Variants in EEF2K observed in about 807,000 individuals in gnomAD.
EEF2K encodes the protein eukaryotic elongation factor 2 kinase, also known as alternative protein EEF2K.
In EEF2K, 70 loss-of-function variants were observed where a neutral mutation model predicts 93.8. The ratio of observed to expected loss-of-function variants is 0.75; its 90% CI spans 0.62 to 0.91. The LOEUF (loss-of-function observed/expected upper bound fraction) is 0.91. Among genes scored for constraint, EEF2K ranks in the 40% least tolerant of loss-of-function variants. The pLI is 0.00. For synonymous variants in EEF2K, 376 were observed against 380.8 expected, an observed-to-expected ratio of 0.99 and a Z score of 0.15; for missense variants, 935 against 972.9, an observed-to-expected ratio of 0.96 and a Z score of 0.52.
At chr16:22,231,714 G>T (rs192204065) in intron 2 of EEF2K, among the ~76,000 whole-genome samples, 1 of 151,812 alleles carries the variant, frequency 6.6e-6, no homozygotes, top group Non-Finnish European at 1.5e-5. Flanking sequence ...ACTTCTGGCC[G>T]GGCACGGTGG....
At chr16:22,257,192 A>C (rs2047410192) in intron 7 of EEF2K, 61 bp from the exon 8 acceptor site, 6 of 1,609,774 alleles carry the variant, frequency 3.7e-6, no homozygotes, top group Non-Finnish European at 5.1e-6. Flanking sequence ...AGGCGTGGCC[A>C]GTGCCTGCAC....
intron 2 of EEF2K, among the ~76,000 whole-genome samples, chr16:22,237,156 A>G (rs2047176436): frequency 6.6e-6 from 1 of 150,918 alleles, no homozygotes; most frequent in South Asian, 2.1e-4. Context: ...TGTTCACCAG[A>G]CTGGTCTCAA....
rs747482915 is a variant in EEF2K, at chr16:22,273,711, C to T, written c.1850C>T (p.Ala617Val). Reference protein sequence around the residue: ...AGDRQSMILVARAFDSGQNLS... With the variant: ...AGDRQSMILVVRAFDSGQNLS... The stretch of plus-strand genomic sequence containing the variant: ...GACAGGCAGTCCATGATCCTAGTGG[C>T]GCGAGCTTTTGACTCTGGCCAGAAC... The change falls in exon 16 of 18, where the codon GCG becomes GTG. Residue 617 changes from alanine to valine, a missense_variant. Coordinates refer to ENST00000263026, the MANE Select transcript of EEF2K (RefSeq NM_013302.5). 2.5e-6 allele frequency: 4 copies of T among 1,613,912 alleles called. No individual in the cohort carries two copies. Among genetic ancestry groups the T allele is most frequent in the African/African-American group, 1.3e-5 (1 of 74,922 alleles).
chr16:22,235,528 G>A (rs1006843129), intron 2 of EEF2K, among the ~76,000 whole-genome samples: 1 of 151,956 alleles, frequency 6.6e-6, no homozygotes, highest in African/African-American at 2.4e-5. Context: ...ATGGAGTTTC[G>A]CTCTTGTTGC....
chr16:22,257,993 G>A (rs1044197398), intron 9 of EEF2K, among the ~76,000 whole-genome samples: 1 of 152,158 alleles, frequency 6.6e-6, no homozygotes, highest in Admixed American at 6.5e-5. Context: ...ATCTGCTTAG[G>A]TTGGGCCCAT....
chr16:22,206,923 C>T (rs1449970179), intron 1 of EEF2K, among the ~76,000 whole-genome samples: 3 of 152,182 alleles, frequency 2.0e-5, no homozygotes, highest in Non-Finnish European at 2.9e-5. Flanking sequence ...ATATGGAAAG[C>T]AATTGGCAAG....
intron 3 of EEF2K, among the ~76,000 whole-genome samples, chr16:22,247,216 G>A (rs2047304510): frequency 6.6e-6 from 1 of 151,702 alleles, no homozygotes; most frequent in Non-Finnish European, 1.5e-5. Flanking sequence ...TGAAGCAGGT[G>A]GATCACTTGA....
chr16:22,220,668 C>A (rs1026848647), intron 1 of EEF2K, among the ~76,000 whole-genome samples: 6 of 152,224 alleles, frequency 3.9e-5, no homozygotes, highest in Non-Finnish European at 8.8e-5. Flanking sequence ...TGGCCTCGAA[C>A]TCCTGAGCTC....
intron 2 of EEF2K, among the ~76,000 whole-genome samples, chr16:22,237,172 T>G (rs1363296680): frequency 6.6e-6 from 1 of 151,086 alleles, no homozygotes; most frequent in Non-Finnish European, 1.5e-5. Context: ...CTCAAACTCC[T>G]GGCCTCAAGT....
intron 16 of EEF2K, 77 bp downstream of exon 16, chr16:22,273,827 G>A: frequency 3.8e-6 from 6 of 1,560,268 alleles, no homozygotes; most frequent in Non-Finnish European, 5.2e-6. Context: ...TATCAGCACA[G>A]GCCTGGGTTC....
chr16:22,258,272 TG>T (rs950151113), intron 9 of EEF2K, among the ~76,000 whole-genome samples: 2 of 152,148 alleles, frequency 1.3e-5, no homozygotes, highest in Non-Finnish European at 2.9e-5. Context: ...TAGGGGATAC[TG>T]GCAGGTCCTC....
chr16:22,260,305 G>T (rs566293522), intron 10 of EEF2K, among the ~76,000 whole-genome samples, 157 bp from the exon 11 acceptor site: 1 of 151,994 alleles, frequency 6.6e-6, no homozygotes, highest in Non-Finnish European at 1.5e-5. Flanking sequence ...TAGCCTCCAG[G>T]TGCTGATAAC....
chr16:22,257,658 C>T lies in EEF2K; in HGVS notation c.917C>T (p.Ala306Val), dbSNP rs144649581. 11 of 1,613,474 alleles carry T rather than the reference C, an allele frequency of 6.8e-6. No homozygotes were observed. The South Asian group carries it at 7.7e-5, about 11-fold the overall frequency. The change falls in exon 9 of 18, where the codon GCG becomes GTG. Residue 306 changes from alanine to valine, a missense_variant. Ala to Val is a moderately conservative substitution (Grantham distance 64, BLOSUM62 0). Coordinates refer to ENST00000263026, the MANE Select transcript of EEF2K (RefSeq NM_013302.5). ...GDGNLGVRGM[A>V]LFFYSHACNR... Reference sequence around the variant, plus strand: ...CTGTCCACAGGTGTCCGCGGGATGGCGCTCTTCTTCTACTCTCATGCCTGC... The same window carrying T: ...CTGTCCACAGGTGTCCGCGGGATGGTGCTCTTCTTCTACTCTCATGCCTGC...
chr16:22,210,082 G>A lies in EEF2K; in HGVS notation c.-77+3403G>A, dbSNP rs79978095. Among the ~76,000 whole-genome samples, 243 of 152,270 alleles carry A rather than the reference G, an allele frequency of 1.6e-3. 1 individual carries two copies. Among genetic ancestry groups the A allele is most frequent in the Non-Finnish European group, 2.7e-3 (186 of 68,012 alleles). ...AGTGTTAGGATCACAGGCATGAGCCGTGCCCAACCATATAAGAAGGCTTCA... is the reference window on the plus strand; with the variant it reads ...AGTGTTAGGATCACAGGCATGAGCCATGCCCAACCATATAAGAAGGCTTCA... On this transcript the variant is annotated intron_variant, in intron 1 of 17. Coordinates refer to ENST00000263026, the MANE Select transcript of EEF2K (RefSeq NM_013302.5).
Position 22,284,259 on chromosome 16 carries a change from T to C in EEF2K, c.*263T>C, listed in dbSNP as rs1275069524. On this transcript the variant is annotated 3_prime_UTR_variant, in exon 18 of 18. Coordinates refer to ENST00000263026, the MANE Select transcript of EEF2K (RefSeq NM_013302.5). ...GCAGCCTAATGAACCAACATACCGT[T>C]TTGTGTGTGGTTTTTTTTGTTTGTT... 2.4e-6 allele frequency: 1 copy of C among 420,820 alleles called. No homozygotes were observed. Among genetic ancestry groups the C allele is most frequent in the East Asian group, 4.3e-5 (1 of 23,002 alleles). 26.1% of individuals were successfully genotyped at this position (420,820 alleles called of 1,614,324 possible). A position where few individuals can be genotyped will look rare whatever the true frequency, so the allele number is the denominator to read the frequency against.
intron 2 of EEF2K, among the ~76,000 whole-genome samples, chr16:22,226,582 C>G (rs2047067476): frequency 7.0e-6 from 1 of 142,064 alleles, no homozygotes; most frequent in Non-Finnish European, 1.5e-5. Context: ...ATGGCACAAT[C>G]ATGGCTTACT....
chr16:22,226,124 G>A lies in EEF2K; in HGVS notation c.246+149G>A, dbSNP rs2047061426. On this transcript the variant is annotated intron_variant, in intron 2 of 17. Transcript: ENST00000263026. Reference sequence around the variant, plus strand: ...GCTGAGGATATACTTGTTAAGCAGGGAGGGTATTATTGATTTAAAATAAAT... The same window carrying A: ...GCTGAGGATATACTTGTTAAGCAGGAAGGGTATTATTGATTTAAAATAAAT... 6 of 1,228,436 alleles carry A rather than the reference G, an allele frequency of 4.9e-6. No homozygotes were observed. The Admixed American group carries it at 1.7e-4, about 35-fold the overall frequency. The allele number at this position is 1,228,436 out of a possible 1,614,324, so 76.1% of individuals were successfully genotyped here. A position where few individuals can be genotyped will look rare whatever the true frequency, so the allele number is the denominator to read the frequency against.
chr16:22,227,647 G>T (rs2047076603), intron 2 of EEF2K, among the ~76,000 whole-genome samples: 1 of 152,190 alleles, frequency 6.6e-6, no homozygotes, highest in Admixed American at 6.5e-5. Context: ...GCTATGCACT[G>T]AGTACAGACA....
chr16:22,226,676 C>T (rs1398771517), intron 2 of EEF2K, among the ~76,000 whole-genome samples: 2 of 151,846 alleles, frequency 1.3e-5, no homozygotes, highest in Admixed American at 1.3e-4. Context: ...CCACTATACC[C>T]GGCTCATTAA....
Sources: allele counts gnomAD v4.1 joint callset (sites outside exome capture counted in the v4.1 genomes callset), GRCh38; gene constraint gnomAD v4.1.1; transcripts MANE v1.5; gene names NCBI Gene and HGNC (gene_info 2026-07-23, HGNC 2026-07-21).